Variants in ZNF800 observed in about 807,000 individuals in gnomAD.
ZNF800 encodes zinc finger protein 800.
In ZNF800, 13 loss-of-function variants were observed where a neutral mutation model predicts 59.5. The observed-to-expected ratio is 0.22, with a 90% CI of 0.14 to 0.35. The LOEUF (loss-of-function observed/expected upper bound fraction) is 0.35. Ranked by LOEUF, ZNF800 falls within the 10% of genes least tolerant of loss-of-function variation. The pLI, the probability that ZNF800 is intolerant of heterozygous loss-of-function variation, is 1.00. For missense variants in ZNF800, 621 were observed against 783.7 expected (o/e 0.79, Z 2.48); for synonymous variants, 266 against 265.7 (o/e 1.00, Z -0.01).
intron 2 of ZNF800, among the ~76,000 whole-genome samples, chr7:127,387,407 T>G (rs1290901032): frequency 6.6e-6 from 1 of 152,198 alleles, no homozygotes; most frequent in Non-Finnish European, 1.5e-5. Context: ...GGACAGTACT[T>G]AGCTTTCTGA....
At chr7:127,348,741 TTA>T (rs1377810650) in intron 1 of ZNF800, among the ~76,000 whole-genome samples, 1 of 152,242 alleles carries the variant, frequency 6.6e-6, no homozygotes, top group East Asian at 1.9e-4. Flanking sequence ...CTTTTTTAAC[TTA>T]TGTTTCCCAA....
chr7:127,367,234 T>A (rs1210144164), downstream of ZNF800, among the ~76,000 whole-genome samples: 1 of 152,066 alleles, frequency 6.6e-6, no homozygotes, highest in Non-Finnish European at 1.5e-5. Context: ...ATCACTTATA[T>A]CTCCCATATT....
Position 127,377,118 on chromosome 7 carries a change from A to G in ZNF800, c.301+68T>C. The G allele has an allele frequency of 7.3e-7, 1 of 1,362,220 alleles. No individual in the cohort carries two copies. Among genetic ancestry groups the G allele is most frequent in the African/African-American group, 1.5e-5 (1 of 67,798 alleles). The allele number at this position is 1,362,220 out of a possible 1,614,324, so 84.4% of individuals were successfully genotyped here. On this transcript the variant is annotated intron_variant, in intron 4 of 5. Coordinates refer to ENST00000265827, the MANE Select transcript of ZNF800 (RefSeq NM_176814.5). The surrounding 1 kb of genome is among the most constrained non-coding windows in gnomAD (Gnocchi z 4.7). The stretch of plus-strand genomic sequence containing the variant: ...AGTAACTAGATACAATTTTAATGCA[A>G]ATGTATACTTGCAGTATAAGAATAC...
chr7:127,377,414 C>A lies in ZNF800; in HGVS notation c.158-85G>T, dbSNP rs1562906363. On this transcript the variant is annotated intron_variant, in intron 3 of 5. Coordinates refer to ENST00000265827, the MANE Select transcript of ZNF800 (RefSeq NM_176814.5). The surrounding 1 kb of genome is among the most constrained non-coding windows in gnomAD (Gnocchi z 4.7). ...AACTGGACAACCACTGTTGACAGAC[C>A]AAAAGTGCAGTTACTCTTTGAAAAC... is the stretch of plus-strand genomic sequence containing the variant. 8.7e-7 allele frequency: 1 copy of A among 1,143,986 alleles called. No homozygotes were observed. The highest frequency in any genetic ancestry group is 2.5e-5 in the East Asian group (1 of 40,716). The allele number at this position is 1,143,986 out of a possible 1,614,324, so 70.9% of individuals were successfully genotyped here.
chr7:127,373,050 A>G (rs2117099374), intron 5 of ZNF800: 1 of 984,884 alleles, frequency 1.0e-6, no homozygotes. Flanking sequence ...ATATAAATGT[A>G]TATATTTTAC....
chr7:127,391,478 C>G lies in ZNF800; in HGVS notation c.61+19G>C. 6.2e-7 allele frequency: 1 copy of G among 1,613,722 alleles called. No homozygotes were observed. Among genetic ancestry groups the G allele is most frequent in the Non-Finnish European group, 8.5e-7 (1 of 1,179,708 alleles). On this transcript the variant is annotated intron_variant, in intron 2 of 5. Transcript: ENST00000265827. ...GCTCTGATGGAGGGCAAAGCAACTG[C>G]GGACGAAGAGGGGTCTACCTGGTTC...
chr7:127,392,525 GA>G lies in ZNF800; in HGVS notation c.-525del, dbSNP rs1801370594. Reference sequence around the variant, plus strand: ...CCTCAGGCTTTAGGAGAGGGGCGGAGAAAAATGGGGGTCTCCCCCAACCTTG... The same window carrying G: ...CCTCAGGCTTTAGGAGAGGGGCGGAGAAAATGGGGGTCTCCCCCAACCTTG... On this transcript the variant is annotated 5_prime_UTR_variant, in exon 1 of 6. Coordinates refer to ENST00000265827, the MANE Select transcript of ZNF800 (RefSeq NM_176814.5). 15 of 330,646 alleles carry G rather than the reference GA, an allele frequency of 4.5e-5. No individual in the cohort carries two copies. The East Asian group carries it at 6.4e-4, about 14-fold the overall frequency. The allele number at this position is 330,646 out of a possible 1,614,324, so 20.5% of individuals were successfully genotyped here.
rs758407399 is a variant in ZNF800, at chr7:127,374,796, T to C, written c.540A>G (p.Thr180=). Residue 180 remains threonine, a synonymous_variant, in exon 5 of 6, where the codon ACA becomes ACG. Coordinates refer to ENST00000265827, the MANE Select transcript of ZNF800 (RefSeq NM_176814.5). ...IQETSTEQSK[T]VPVTDTEVET... ...CCACCTCTGTATCTGTAACCGGTACTGTTTTTGACTGTTCAGTGCTAGTTT... is the reference window on the plus strand; with the variant it reads ...CCACCTCTGTATCTGTAACCGGTACCGTTTTTGACTGTTCAGTGCTAGTTT... 1.4e-5 allele frequency: 23 copies of C among 1,613,164 alleles called. No homozygotes were observed. In the African/African-American group the frequency reaches 2.5e-4, roughly 18 times the overall value.
At chr7:127,364,398 G>A (rs910453282) in intron 1 of ZNF800, 4 of 152,038 alleles carry the variant, frequency 2.6e-5, no homozygotes, top group Non-Finnish European at 2.9e-5. Flanking sequence ...CTTGGGCTTC[G>A]GTGAATCAAC....
intron 1 of ZNF800, among the ~76,000 whole-genome samples, chr7:127,350,750 T>C (rs557486687): frequency 1.3e-5 from 2 of 152,296 alleles, no homozygotes; most frequent in Non-Finnish European, 2.9e-5. Flanking sequence ...TTTGGAAAGG[T>C]GGTAACAGCT....
intron 1 of ZNF800, among the ~76,000 whole-genome samples, chr7:127,354,230 A>AT (rs1800225552): frequency 6.6e-6 from 1 of 152,094 alleles, no homozygotes; most frequent in Admixed American, 6.6e-5. Context: ...TTCCCTTATT[A>AT]TTTTTTAACT....
chr7:127,352,805 G>A (rs1477438505), intron 1 of ZNF800, among the ~76,000 whole-genome samples: 1 of 152,144 alleles, frequency 6.6e-6, no homozygotes, highest in Non-Finnish European at 1.5e-5. Flanking sequence ...AGAAAGCAGT[G>A]GCCACATCAA....
downstream of ZNF800, among the ~76,000 whole-genome samples, chr7:127,368,456 G>A (rs1158486206): frequency 6.6e-6 from 1 of 152,136 alleles, no homozygotes; most frequent in Non-Finnish European, 1.5e-5. Flanking sequence ...CTTGGCTTCA[G>A]ATCAACTGAA....
chr7:127,374,889 C>T lies in ZNF800; in HGVS notation c.447G>A (p.Arg149=), dbSNP rs565505932. 6.2e-7 allele frequency: 1 copy of T among 1,613,856 alleles called. No homozygotes were observed. Among genetic ancestry groups the T allele is most frequent in the East Asian group, 2.2e-5 (1 of 44,866 alleles). ...NQNAVFQYIS[R]TDNPIEVTES... ...CTGTGACTTCAATAGGATTATCAGT[C>T]CTCGAAATATATTGAAATACTGCAT... The change falls in exon 5 of 6, where the codon AGG becomes AGA. Residue 149 remains arginine (R), a synonymous_variant. Coordinates refer to ENST00000265827, the MANE Select transcript of ZNF800 (RefSeq NM_176814.5).
intron 1 of ZNF800, chr7:127,362,846 T>C (rs1344669640): frequency 1.3e-5 from 2 of 152,094 alleles, no homozygotes; most frequent in Non-Finnish European, 2.9e-5. Context: ...GATCTGTGTT[T>C]TAGGAAGATA....
chr7:127,364,131 C>G (rs1800452587), intron 1 of ZNF800: 1 of 152,048 alleles, frequency 6.6e-6, no homozygotes, highest in Non-Finnish European at 1.5e-5. Context: ...CAAAATGACC[C>G]AGGTATACGT....
intron 1 of ZNF800, 142 bp downstream of exon 1, chr7:127,391,918 C>T (rs1182322440): frequency 2.7e-6 from 1 of 368,384 alleles, no homozygotes; most frequent in African/African-American, 2.1e-5. Flanking sequence ...GCGCAGAGCG[C>T]GGCGGGCACC....
intron 3 of ZNF800, among the ~76,000 whole-genome samples, chr7:127,381,723 T>C (rs1048688872): frequency 6.6e-6 from 1 of 151,896 alleles, no homozygotes; most frequent in Non-Finnish European, 1.5e-5. Flanking sequence ...ACAAATCTAC[T>C]TTTTTCTTAT....
In ZNF800 at chr7:127,374,758, G is replaced by A; in HGVS notation, c.578C>T (p.Pro193Leu). The change falls in exon 5 of 6, where the codon CCC (proline) becomes CTC (leucine). Residue 193 changes from proline to leucine, a missense_variant. By Grantham distance (98) the Pro-to-Leu change is moderately conservative. Around this residue, in one of 7 missense-constraint regions of ZNF800, gnomAD observed 218 missense variants for 230.8 expected, o/e 0.94. Coordinates refer to ENST00000265827, the MANE Select transcript of ZNF800 (RefSeq NM_176814.5). ...ATCTGTAACAATCTCAACAGGAGGG[G>A]GCTCTACAGTTTCCACCTCTGTATC... is the stretch of plus-strand genomic sequence containing the variant. ...VTDTEVETVE[P>L]PPVEIVTDEV... The A allele has an allele frequency of 1.9e-6, 3 of 1,613,920 alleles. No individual in the cohort carries two copies. Among genetic ancestry groups the A allele is most frequent in the Non-Finnish European group, 2.5e-6 (3 of 1,179,918 alleles).
Sources: allele counts gnomAD v4.1 joint callset (sites outside exome capture counted in the v4.1 genomes callset), GRCh38; gene constraint gnomAD v4.1.1; regional missense constraint gnomAD v4.1.1; non-coding constraint Gnocchi (gnomAD v3.1); transcripts MANE v1.5; gene names NCBI Gene and HGNC (gene_info 2026-07-23, HGNC 2026-07-21).